BTBD9: variants seen among roughly 807,000 people sequenced by gnomAD.
The protein encoded by BTBD9 is BTB/POZ domain-containing protein 9.
Under a neutral mutation model 64.3 loss-of-function variants are expected in BTBD9, and 49 were observed. That is an observed-to-expected ratio of 0.76 (90% CI 0.61 to 0.97). The LOEUF is 0.97. Among genes scored for constraint, BTBD9 ranks in the 50% least tolerant of loss-of-function variants. The pLI is 0.00. For synonymous variants in BTBD9, 260 were observed against 274.7 expected (o/e 0.95, Z 0.53); for missense variants, 598 against 762.1 (o/e 0.78, Z 2.53).
At chr6:38,405,610 A>C (rs980333415) in intron 6 of BTBD9, among the ~76,000 whole-genome samples, 11 of 152,152 alleles carry the variant, frequency 7.2e-5, no homozygotes, top group Admixed American at 1.3e-4. Context: ...GTTAAAAAAA[A>C]AAACAAACAA....
At chr6:38,292,734 G>T (rs1018393839) in intron 7 of BTBD9, among the ~76,000 whole-genome samples, 6 of 151,968 alleles carry the variant, frequency 3.9e-5, no homozygotes, top group Non-Finnish European at 7.4e-5. Flanking sequence ...TCTGGCTAGT[G>T]GTCTATCTAT....
At position 38,570,372 on chromosome 6, in the gene BTBD9, A is replaced by G. The variant is rs77404878; in HGVS notation, c.1154+7228T>C. ...AATGTGGAGTCAGGCAGACCTGGTT[A>G]CAAATTTAGCTTTTCTAAGGCTCAA... On this transcript the variant is annotated intron_variant, in intron 6 of 10. Transcript: ENST00000481247. Among the ~76,000 whole-genome samples the G allele has an allele frequency of 7.9e-3, 1,198 of 152,322 alleles. 18 individuals are homozygous for G. Among genetic ancestry groups the G allele is most frequent in the African/African-American group, 0.027 (1,133 of 41,582 alleles).
chr6:38,483,290 G>A (rs938906092), intron 6 of BTBD9, among the ~76,000 whole-genome samples: 2 of 151,826 alleles, frequency 1.3e-5, no homozygotes, highest in Non-Finnish European at 2.9e-5. Flanking sequence ...ACCAGGAGTC[G>A]ATTTTCTGTT....
At chr6:38,403,853 T>C (rs1562135794) in intron 6 of BTBD9, among the ~76,000 whole-genome samples, 1 of 152,164 alleles carries the variant, frequency 6.6e-6, no homozygotes, top group Non-Finnish European at 1.5e-5. Flanking sequence ...GATGAATGGA[T>C]AAGTAAAATA....
intron 1 of BTBD9, among the ~76,000 whole-genome samples, chr6:38,633,793 A>T (rs1582746798): frequency 6.9e-6 from 1 of 144,802 alleles, no homozygotes; most frequent in Non-Finnish European, 1.5e-5. Context: ...TTTGATTGCT[A>T]AAAAAAAAAT....
At chr6:38,552,860 G>A (rs1001248740) in intron 6 of BTBD9, among the ~76,000 whole-genome samples, 1 of 152,068 alleles carries the variant, frequency 6.6e-6, no homozygotes, top group East Asian at 1.9e-4. Context: ...ATATATGTTT[G>A]TCCCTTTGTA....
At chr6:38,549,793 C>G (rs931953335) in intron 6 of BTBD9, among the ~76,000 whole-genome samples, 1 of 152,142 alleles carries the variant, frequency 6.6e-6, no homozygotes, top group Non-Finnish European at 1.5e-5. Context: ...TACTCCTATT[C>G]AGCTTTCCTC....
chr6:38,464,452 A>T (rs897281135), intron 6 of BTBD9, among the ~76,000 whole-genome samples: 1 of 149,436 alleles, frequency 6.7e-6, no homozygotes, highest in African/African-American at 2.4e-5. Context: ...TAAAATTTTT[A>T]AATTCTGTGT....
chr6:38,283,055 A>T (rs1364149099), intron 8 of BTBD9, among the ~76,000 whole-genome samples: 1 of 152,230 alleles, frequency 6.6e-6, no homozygotes. Flanking sequence ...GAATGAATCA[A>T]CGAAAATGCG....
intron 6 of BTBD9, among the ~76,000 whole-genome samples, chr6:38,544,910 A>G (rs1367561495): frequency 7.0e-6 from 1 of 142,442 alleles, no homozygotes; most frequent in African/African-American, 2.6e-5. Context: ...CTGGGAAACA[A>G]GAACAAAACT....
At chr6:38,461,679 C>G (rs1310550370) in intron 6 of BTBD9, among the ~76,000 whole-genome samples, 4 of 152,060 alleles carry the variant, frequency 2.6e-5, no homozygotes, top group Non-Finnish European at 5.9e-5. Context: ...GGTTAAATAC[C>G]TAAGAGTAAA....
chr6:38,519,890 C>T (rs530310052), intron 6 of BTBD9, among the ~76,000 whole-genome samples: 2 of 152,242 alleles, frequency 1.3e-5, no homozygotes, highest in East Asian at 3.9e-4. Flanking sequence ...AACATACTAG[C>T]CTAAGGCAAT....
intron 9 of BTBD9, among the ~76,000 whole-genome samples, chr6:38,249,315 T>C (rs1764311108): frequency 6.6e-6 from 1 of 152,188 alleles, no homozygotes; most frequent in South Asian, 2.1e-4. Flanking sequence ...AGTGCAGTAG[T>C]GTGATCTTAG....
chr6:38,627,254 T>C lies in BTBD9; in HGVS notation c.-28+12546A>G, dbSNP rs148511087. Reference sequence around the variant, plus strand: ...GATAAGCCAGATTAGGGGTGTCTTATAAAACTAGTAAAATTAAATTCTCAT... The same window carrying C: ...GATAAGCCAGATTAGGGGTGTCTTACAAAACTAGTAAAATTAAATTCTCAT... On this transcript the variant is annotated intron_variant, in intron 1 of 10. Coordinates refer to ENST00000481247, the MANE Select transcript of BTBD9 (RefSeq NM_001099272.2). 1.9e-3 allele frequency among the ~76,000 whole-genome samples: 295 copies of C among 152,292 alleles called. 1 individual carries two copies. Among genetic ancestry groups the C allele is most frequent in the Middle Eastern group, 6.8e-3 (2 of 294 alleles).
intron 6 of BTBD9, among the ~76,000 whole-genome samples, chr6:38,466,833 C>T (rs1437452787): frequency 6.6e-6 from 1 of 152,180 alleles, no homozygotes; most frequent in Non-Finnish European, 1.5e-5. Context: ...CTGTCTCAGC[C>T]TCCCGAAGTG....
chr6:38,357,459 G>A (rs1479925728), intron 6 of BTBD9, among the ~76,000 whole-genome samples: 3 of 152,134 alleles, frequency 2.0e-5, no homozygotes, highest in Non-Finnish European at 4.4e-5. Context: ...GTTTTGTTCA[G>A]AAGGGAGTGA....
At chr6:38,615,098 G>T (rs1777740637) in intron 1 of BTBD9, among the ~76,000 whole-genome samples, 1 of 152,162 alleles carries the variant, frequency 6.6e-6, no homozygotes, top group South Asian at 2.1e-4. Context: ...TTATGCCACA[G>T]GGCTTTGGCA....
chr6:38,358,151 T>C (rs1328686460), intron 6 of BTBD9, among the ~76,000 whole-genome samples: 1 of 152,030 alleles, frequency 6.6e-6, no homozygotes, highest in Non-Finnish European at 1.5e-5. Context: ...TTTATCTTGA[T>C]AACTGTGGAA....
In BTBD9 at chr6:38,173,283, C is replaced by T. The variant is rs1212292389; in HGVS notation, c.*1702G>A. ...ACCGTTCCTTACAGGAGCCTCCTCCCATTATGAAATGCCTGGCATCCCAGG... is the reference window on the plus strand; with the variant it reads ...ACCGTTCCTTACAGGAGCCTCCTCCTATTATGAAATGCCTGGCATCCCAGG... On this transcript the variant is annotated 3_prime_UTR_variant, in exon 11 of 11. Transcript: ENST00000481247. The T allele has an allele frequency of 6.6e-6, 1 of 152,284 alleles. No homozygotes were observed. Among genetic ancestry groups the T allele is most frequent in the African/African-American group, 2.4e-5 (1 of 41,454 alleles). 9.4% of individuals were successfully genotyped at this position (152,284 alleles called of 1,614,324 possible). A position where few individuals can be genotyped will look rare whatever the true frequency, so the allele number is the denominator to read the frequency against.
Sources: gnomAD v4.1 joint callset for allele counts (sites outside exome capture counted in the v4.1 genomes callset) on GRCh38, gnomAD v4.1.1 for gene constraint, MANE v1.5 for transcripts, NCBI Gene and HGNC (gene_info 2026-07-23, HGNC 2026-07-21) for gene names.